The following COL2A1 variants were observed in gnomAD, a reference collection of about 807,000 sequenced individuals.
COL2A1 encodes the protein collagen type II alpha 1 chain.
In COL2A1, 28 loss-of-function variants were observed where a neutral mutation model predicts 204.5. The ratio of observed to expected loss-of-function variants is 0.14; its 90% CI spans 0.10 to 0.19. The LOEUF (loss-of-function observed/expected upper bound fraction) is 0.19. Among genes scored for constraint, COL2A1 ranks in the 10% least tolerant of loss-of-function variants. The pLI is 1.00. For synonymous variants in COL2A1, 708 were observed against 718.7 expected (o/e 0.99, Z 0.24); for missense variants, 1,388 against 2,027.5 (o/e 0.68, Z 6.06).
At chr12:48,003,240 C>G (rs934501589) in intron 1 of COL2A1, among the ~76,000 whole-genome samples, 16 of 152,164 alleles carry the variant, frequency 1.1e-4, no homozygotes, top group Non-Finnish European at 1.5e-5. Context: ...AGAGCCATCT[C>G]TAACTATACC....
Position 47,974,656 on chromosome 12 carries a change from A to C in COL2A1, c.4074+19T>G. 1.2e-6 allele frequency: 2 copies of C among 1,613,338 alleles called. No homozygotes were observed. Among genetic ancestry groups the C allele is most frequent in the Non-Finnish European group, 1.7e-6 (2 of 1,179,322 alleles). On this transcript the variant is annotated intron_variant, in intron 52 of 53. Transcript: ENST00000380518. ...GAGGAGCCATCTCTGCTCATCATCT[A>C]GGGCACCCAGGTACTCACATGGAAG...
At chr12:47,973,647 C>G in intron 53 of COL2A1, 94 bp from the exon 54 acceptor site, 1 of 1,463,052 alleles carries the variant, frequency 6.8e-7, no homozygotes, top group East Asian at 2.3e-5. Flanking sequence ...AACTGGCGAG[C>G]ATCAGAGCCC....
At chr12:47,999,808 A>T in intron 2 of COL2A1, 111 bp downstream of exon 2, 3 of 933,998 alleles carry the variant, frequency 3.2e-6, no homozygotes, top group African/African-American at 1.6e-5. Context: ...ACCAGGTCCC[A>T]TGGATAACTA....
At chr12:47,975,176 G>T in intron 51 of COL2A1, 141 bp downstream of exon 51, 1 of 1,153,620 alleles carries the variant, frequency 8.7e-7, no homozygotes, top group Non-Finnish European at 1.2e-6. Context: ...CTTCTCTGCT[G>T]TGAAATAAGA....
chr12:47,983,268 T>C (rs529268651), intron 31 of COL2A1, 117 bp downstream of exon 31: 1 of 1,472,652 alleles, frequency 6.8e-7, no homozygotes, highest in East Asian at 2.3e-5. Context: ...GGGACATGGG[T>C]CCAGGACATT....
rs7963636 is a variant in COL2A1, at chr12:47,986,073, T to C, written c.1528-108A>G. ...ACCAACCCCAATTTCTGGGGAGCAG[T>C]AGCTGTGGCCTGCAGGATTCTCAGA... On this transcript the variant is annotated intron_variant, in intron 23 of 53. Coordinates refer to ENST00000380518, the MANE Select transcript of COL2A1 (RefSeq NM_001844.5). 522,749 of 1,078,258 alleles carry C rather than the reference T, an allele frequency of 0.48. 128,587 individuals carry two copies. Among genetic ancestry groups the C allele is most frequent in the African/African-American group, 0.56 (35,825 of 63,936 alleles). The allele number at this position is 1,078,258 out of a possible 1,614,324, so 66.8% of individuals were successfully genotyped here.
chr12:47,981,754 G>A (rs1939101325), intron 36 of COL2A1, 22 bp downstream of exon 36: 1 of 1,551,848 alleles, frequency 6.4e-7, no homozygotes, highest in Non-Finnish European at 8.7e-7. Flanking sequence ...AAGGTGTGGA[G>A]AGGAAAGGAG....
intron 40 of COL2A1, among the ~76,000 whole-genome samples, 158 bp from the exon 41 acceptor site, chr12:47,979,722 G>A (rs1443508965): frequency 2.0e-5 from 3 of 152,194 alleles, no homozygotes; most frequent in Non-Finnish European, 4.4e-5. Context: ...GGGCCCCCGG[G>A]TCTGGTCATA....
chr12:47,973,630 CTG>C, intron 53 of COL2A1, 77 bp from the exon 54 acceptor site: 8 of 1,552,806 alleles, frequency 5.2e-6, no homozygotes, highest in Non-Finnish European at 7.1e-6. Flanking sequence ...AAGCCCAAAA[CTG>C]AACAAACTGG....
chr12:47,980,808 G>A lies in COL2A1; in HGVS notation c.2517+107C>T. 1 of 1,430,124 alleles carries A rather than the reference G, an allele frequency of 7.0e-7. No homozygotes were observed. Among genetic ancestry groups the A allele is most frequent in the East Asian group, 2.5e-5 (1 of 40,384 alleles). 88.6% of individuals were successfully genotyped at this position (1,430,124 alleles called of 1,614,324 possible). A position where few individuals can be genotyped will look rare whatever the true frequency, so the allele number is the denominator to read the frequency against. On this transcript the variant is annotated intron_variant, in intron 38 of 53. Transcript: ENST00000380518. The surrounding 1 kb of genome is among the most constrained non-coding windows in gnomAD (Gnocchi z 4.5). ...ATTAGTATGGAGGCGGGAAAGGAGA[G>A]GAGAGGAGCATCCATTTCCCTCCCT...
intron 37 of COL2A1, 111 bp downstream of exon 37, chr12:47,981,232 G>T: frequency 8.1e-7 from 1 of 1,240,064 alleles, no homozygotes; most frequent in Non-Finnish European, 1.2e-6. Context: ...GGGAGCCAGT[G>T]CCTGGCAGCA....
At chr12:47,993,315 T>C (rs917498122) in intron 15 of COL2A1, 143 bp downstream of exon 15, 5 of 729,914 alleles carry the variant, frequency 6.9e-6, no homozygotes, top group African/African-American at 3.5e-5. Context: ...ACAAATCATC[T>C]GTCTAATACA....
chr12:47,983,490 C>A (rs752956124), intron 30 of COL2A1, 52 bp from the exon 31 acceptor site: 2 of 1,575,036 alleles, frequency 1.3e-6, no homozygotes, highest in East Asian at 2.2e-5. Context: ...GCTGCCCTGG[C>A]CCCCAGGGAG....
At position 47,998,014 on chromosome 12, in the gene COL2A1, G is replaced by T. The variant is rs1230114494; in HGVS notation, c.375+18C>A. On this transcript the variant is annotated intron_variant, in intron 5 of 53. Transcript: ENST00000380518. ...GCAGCGAGGAAGGGACGGAGAAAGAGATTTCTCCCTCTCTTACCTGAGGCC... is the reference window on the plus strand; with the variant it reads ...GCAGCGAGGAAGGGACGGAGAAAGATATTTCTCCCTCTCTTACCTGAGGCC... The T allele has an allele frequency of 1.9e-6, 3 of 1,614,020 alleles. No homozygotes were observed. Among genetic ancestry groups the T allele is most frequent in the Non-Finnish European group, 2.5e-6 (3 of 1,180,002 alleles).
intron 41 of COL2A1, 141 bp downstream of exon 41, chr12:47,979,370 T>A: frequency 1.1e-6 from 1 of 879,770 alleles, no homozygotes. Context: ...TAGGTCCCCA[T>A]GATCAGTTAG....
In COL2A1 at chr12:47,980,991, G is replaced by A. The variant is rs766942201; in HGVS notation, c.2464-23C>T. On this transcript the variant is annotated intron_variant, in intron 37 of 53. Coordinates refer to ENST00000380518, the MANE Select transcript of COL2A1 (RefSeq NM_001844.5). This position sits in a 1 kb window ranked among gnomAD's most constrained non-coding sequence, Gnocchi z 4.5. ...ACCCTGTGAGAGAAGGGGGCATGGCGAGAGGTCAGGCCCCGCTGCCTGACC... is the reference window on the plus strand; with the variant it reads ...ACCCTGTGAGAGAAGGGGGCATGGCAAGAGGTCAGGCCCCGCTGCCTGACC... 21 of 1,549,240 alleles carry A rather than the reference G, an allele frequency of 1.4e-5. No homozygotes were observed. The highest frequency in any genetic ancestry group is 1.9e-4 in the Middle Eastern group (1 of 5,260).
At chr12:48,001,449 T>G (rs1288744803) in intron 1 of COL2A1, among the ~76,000 whole-genome samples, 2 of 151,970 alleles carry the variant, frequency 1.3e-5, no homozygotes, top group African/African-American at 4.8e-5. Context: ...GCTGGAGCAG[T>G]GGAATGCAGG....
intron 22 of COL2A1, 112 bp downstream of exon 22, chr12:47,986,723 C>CTTT: frequency 8.0e-7 from 1 of 1,254,554 alleles, no homozygotes; most frequent in Non-Finnish European, 1.2e-6. Context: ...CTGAAAGGAC[C>CTTT]CAGATTGGGG....
At chr12:47,981,732 T>C (rs757317983) in intron 36 of COL2A1, 44 bp downstream of exon 36, 8 of 1,539,242 alleles carry the variant, frequency 5.2e-6, no homozygotes, top group Non-Finnish European at 7.0e-6. Flanking sequence ...GAAGGAGGTG[T>C]GACAGGGAGG....
Sources: allele counts gnomAD v4.1 joint callset (sites outside exome capture counted in the v4.1 genomes callset), GRCh38; gene constraint gnomAD v4.1.1; non-coding constraint Gnocchi (gnomAD v3.1); transcripts MANE v1.5; gene names NCBI Gene and HGNC (gene_info 2026-07-23, HGNC 2026-07-21).